TXK: variants seen among roughly 807,000 people sequenced by gnomAD.
TXK encodes tyrosine-protein kinase TXK.
Under a neutral mutation model 81.0 loss-of-function variants are expected in TXK, and 60 were observed. The ratio of observed to expected loss-of-function variants is 0.74; its 90% CI spans 0.60 to 0.92. The LOEUF is 0.92. Among genes scored for constraint, TXK ranks in the 40% least tolerant of loss-of-function variants. The pLI, the probability that TXK is intolerant of heterozygous loss-of-function variation, is 0.00. For synonymous variants in TXK, 203 were observed against 210.7 expected, an observed-to-expected ratio of 0.96 and a Z score of 0.32; for missense variants, 581 against 638.3, an observed-to-expected ratio of 0.91 and a Z score of 0.97.
chr4:48,074,091 C>A, intron 12 of TXK, 38 bp from the exon 13 acceptor site: 1 of 1,450,200 alleles, frequency 6.9e-7, no homozygotes, highest in Non-Finnish European at 9.7e-7. Flanking sequence ...GTGTTAATTA[C>A]CTCCAAGCTC....
At chr4:48,075,255 C>G (rs1231830005) in intron 12 of TXK, among the ~76,000 whole-genome samples, 1 of 152,090 alleles carries the variant, frequency 6.6e-6, no homozygotes, top group East Asian at 1.9e-4. Context: ...TGCTCTTTTC[C>G]CCAGGTGGAG....
At chr4:48,084,368 G>T (rs1166848673) in intron 10 of TXK, among the ~76,000 whole-genome samples, 1 of 152,054 alleles carries the variant, frequency 6.6e-6, no homozygotes, top group African/African-American at 2.4e-5. Flanking sequence ...TGAATCAGGG[G>T]AAATATTGTC....
In TXK at chr4:48,095,175, G is replaced by A. The variant is rs779771741; in HGVS notation, c.549C>T (p.Ser183=). 6.2e-7 allele frequency: 1 copy of A among 1,613,658 alleles called. No homozygotes were observed. Among genetic ancestry groups the A allele is most frequent in the Non-Finnish European group, 8.5e-7 (1 of 1,179,830 alleles). Residue 183 remains serine, a synonymous_variant, in exon 7 of 15, where the codon TCC becomes TCT. Coordinates refer to ENST00000264316, the MANE Select transcript of TXK (RefSeq NM_003328.3). ...CTCCCATAAATACGGAAATTGTGTA[G>A]GATCCTAAATGTCTTGAATCTCTGA... ...FIVRDSRHLG[S]YTISVFMGAR... is the part of the protein sequence containing the mutation.
chr4:48,121,076 C>T (rs185191825), intron 1 of TXK, among the ~76,000 whole-genome samples: 1 of 152,282 alleles, frequency 6.6e-6, no homozygotes, highest in Admixed American at 6.5e-5. Context: ...TCCCGCAAAG[C>T]TTTTGATTTC....
At chr4:48,120,168 T>TGTATATATGTAC (rs1718912995) in intron 1 of TXK, among the ~76,000 whole-genome samples, 1 of 147,284 alleles carries the variant, frequency 6.8e-6, no homozygotes, top group African/African-American at 2.5e-5. Context: ...TATATATGTA[T>TGTATATATGTAC]ATACGTATAT....
chr4:48,112,477 C>T lies in TXK; in HGVS notation c.210G>A (p.Lys70=). ...CAGAGGGTGGGAGGGGAGGCAGTGG[C>T]TTTCGTTTTGACGGCTGCACACGGC... ...NTGRVQPSKR[K]PLPPLPPSEV... is the part of the protein sequence containing the mutation. The change falls in exon 4 of 15, where the codon AAG becomes AAA. Residue 70 remains lysine, a synonymous_variant. Transcript: ENST00000264316. The T allele has an allele frequency of 6.2e-7, 1 of 1,614,054 alleles. No individual in the cohort carries two copies. Among genetic ancestry groups the T allele is most frequent in the Non-Finnish European group, 8.5e-7 (1 of 1,179,962 alleles).
intron 14 of TXK, among the ~76,000 whole-genome samples, chr4:48,068,077 G>A (rs1390275259): frequency 1.3e-5 from 2 of 152,174 alleles, no homozygotes; most frequent in Non-Finnish European, 1.5e-5. Context: ...GCAAACACTA[G>A]CCACATGTGG....
chr4:48,098,254 T>A (rs959846433), intron 6 of TXK, among the ~76,000 whole-genome samples: 19 of 152,134 alleles, frequency 1.2e-4, no homozygotes, highest in African/African-American at 4.3e-4. Flanking sequence ...TACTGACCAG[T>A]CTTATCAATG....
chr4:48,076,534 T>C (rs1032436298), intron 11 of TXK, 68 bp from the exon 12 acceptor site: 5 of 1,403,378 alleles, frequency 3.6e-6, no homozygotes, highest in Non-Finnish European at 5.0e-6. Flanking sequence ...TCCTCTCCTT[T>C]TCCTTAGGTT....
intron 1 of TXK, among the ~76,000 whole-genome samples, chr4:48,124,156 C>A (rs1047643886): frequency 6.6e-6 from 1 of 152,172 alleles, no homozygotes; most frequent in African/African-American, 2.4e-5. Flanking sequence ...TCACCACTAT[C>A]AACATTTTAG....
At chr4:48,116,073 G>A (rs906944584) in intron 1 of TXK, among the ~76,000 whole-genome samples, 2 of 152,182 alleles carry the variant, frequency 1.3e-5, no homozygotes, top group African/African-American at 4.8e-5. Context: ...ACTTCTCTAA[G>A]TCTTAGTTTT....
chr4:48,085,899 G>A (rs1465006806), intron 10 of TXK, among the ~76,000 whole-genome samples: 1 of 152,168 alleles, frequency 6.6e-6, no homozygotes, highest in African/African-American at 2.4e-5. Flanking sequence ...AAGTCCGTGT[G>A]ACCTGATTCT....
intron 6 of TXK, among the ~76,000 whole-genome samples, chr4:48,100,882 G>A (rs1718164654): frequency 6.6e-6 from 1 of 151,952 alleles, no homozygotes; most frequent in South Asian, 2.1e-4. Context: ...TTTGTGTACT[G>A]ATGTGGAAAG....
At chr4:48,127,784 A>G (rs7659164) in intron 1 of TXK, among the ~76,000 whole-genome samples, 116,287 of 152,070 alleles carry the variant, frequency 0.76, 44,657 homozygotes, top group East Asian at 0.92. Flanking sequence ...AAACCGGCAC[A>G]TCTGTCATGG....
chr4:48,097,778 C>T (rs1197111940), intron 6 of TXK, among the ~76,000 whole-genome samples: 8 of 137,060 alleles, frequency 5.8e-5, no homozygotes, highest in Non-Finnish European at 1.1e-4. Context: ...GACGGGGTCT[C>T]GCGCTGTTGC....
chr4:48,103,610 C>T (rs1186766421), intron 6 of TXK, among the ~76,000 whole-genome samples: 2 of 152,196 alleles, frequency 1.3e-5, no homozygotes, highest in Non-Finnish European at 2.9e-5. Context: ...AGCAAAATGA[C>T]ACACATACTC....
intron 11 of TXK, among the ~76,000 whole-genome samples, chr4:48,079,411 C>A (rs1343154592): frequency 6.6e-6 from 1 of 152,174 alleles, no homozygotes; most frequent in Non-Finnish European, 1.5e-5. Flanking sequence ...TGGCACCACC[C>A]AGATCGATTA....
intron 7 of TXK, 49 bp from the exon 8 acceptor site, chr4:48,094,253 G>T (rs1256499913): frequency 4.4e-6 from 7 of 1,599,190 alleles, no homozygotes; most frequent in South Asian, 3.3e-5. Flanking sequence ...GATCAATTTG[G>T]ATCTAAGCCA....
At chr4:48,124,007 TTCCCAAAGC>T (rs1719022325) in intron 1 of TXK, among the ~76,000 whole-genome samples, 1 of 152,162 alleles carries the variant, frequency 6.6e-6, no homozygotes, top group African/African-American at 2.4e-5. Flanking sequence ...TTCCTTTCAG[TTCCCAAAGC>T]ACCTATGCCC....
Sources: allele counts gnomAD v4.1 joint callset (sites outside exome capture counted in the v4.1 genomes callset), GRCh38; gene constraint gnomAD v4.1.1; transcripts MANE v1.5; gene names NCBI Gene and HGNC (gene_info 2026-07-23, HGNC 2026-07-21).